Variants in DNER observed in about 807,000 individuals in gnomAD.
DNER encodes the protein delta and Notch-like epidermal growth factor-related receptor.
A neutral mutation model predicts 78.2 loss-of-function variants in DNER; 33 were observed. The ratio of observed to expected loss-of-function variants is 0.42; its 90% CI spans 0.32 to 0.56. The LOEUF is 0.56. Among genes scored for constraint, DNER ranks in the 20% least tolerant of loss-of-function variants. DNER has a pLI of 0.11. For synonymous variants in DNER, 417 were observed against 384.8 expected, an observed-to-expected ratio of 1.08 and a Z score of -0.98; for missense variants, 918 against 975.3, an observed-to-expected ratio of 0.94 and a Z score of 0.78.
At chr2:229,443,386 C>T (rs1228919511) in intron 8 of DNER, among the ~76,000 whole-genome samples, 1 of 152,176 alleles carries the variant, frequency 6.6e-6, no homozygotes, top group Non-Finnish European at 1.5e-5. Flanking sequence ...GCGAGTTCCA[C>T]CTCATCCTGT....
chr2:229,437,686 T>C (rs1433284019), intron 8 of DNER, among the ~76,000 whole-genome samples: 2 of 152,146 alleles, frequency 1.3e-5, no homozygotes, highest in African/African-American at 4.8e-5. Flanking sequence ...GCCAGTCTTG[T>C]GGGAAGGCGT....
intron 8 of DNER, among the ~76,000 whole-genome samples, chr2:229,422,037 C>A (rs1235725738): frequency 6.6e-6 from 1 of 152,000 alleles, no homozygotes; most frequent in Non-Finnish European, 1.5e-5. Flanking sequence ...GATAATTAAG[C>A]TGGTGATGTT....
chr2:229,423,610 A>T (rs533505785), intron 8 of DNER, among the ~76,000 whole-genome samples: 1 of 141,828 alleles, frequency 7.1e-6, no homozygotes, highest in African/African-American at 3.0e-5. Context: ...GCGAGACTAC[A>T]TCTCAAAAAA....
intron 6 of DNER, among the ~76,000 whole-genome samples, chr2:229,481,467 G>C (rs1417620795): frequency 6.6e-6 from 1 of 152,244 alleles, no homozygotes; most frequent in Middle Eastern, 3.4e-3. Context: ...TAGACCCTCA[G>C]AGAGCAGAGG....
intron 8 of DNER, among the ~76,000 whole-genome samples, chr2:229,424,492 CT>C: frequency 6.6e-6 from 1 of 152,134 alleles, no homozygotes; most frequent in East Asian, 1.9e-4. Context: ...GTTTTGGAGG[CT>C]AGAAGTCCAT....
In DNER at chr2:229,418,373, G is replaced by A. The variant is rs565405542; in HGVS notation, c.1487-143C>T. ...GGATTTCAGGAGCTAGATCTCTTGG[G>A]GTAAAGTTGAAAGGTGGATTTGGGG... On this transcript the variant is annotated intron_variant, in intron 8 of 12. Transcript: ENST00000341772. The A allele has an allele frequency of 8.9e-4, 1,054 of 1,185,872 alleles. 10 individuals are homozygous for A. In the Middle Eastern group the frequency reaches 0.012, roughly 13 times the overall value. The allele number at this position is 1,185,872 out of a possible 1,614,324, so 73.5% of individuals were successfully genotyped here.
chr2:229,372,667 T>C (rs1692512100), intron 11 of DNER, among the ~76,000 whole-genome samples: 1 of 152,210 alleles, frequency 6.6e-6, no homozygotes, highest in Admixed American at 6.5e-5. Flanking sequence ...TGTTCCAATT[T>C]GCACTTTGAA....
At chr2:229,393,440 T>A (rs142231286) in intron 10 of DNER, among the ~76,000 whole-genome samples, 6,039 of 147,918 alleles carry the variant, frequency 0.041, 375 homozygotes, top group African/African-American at 0.14. Flanking sequence ...AAAATAAAAA[T>A]AAAAATAAAA....
intron 1 of DNER, among the ~76,000 whole-genome samples, chr2:229,597,759 G>T (rs571577580): frequency 6.6e-6 from 1 of 152,310 alleles, no homozygotes; most frequent in African/African-American, 2.4e-5. Context: ...TGTGCTTGCT[G>T]CATCAGATCA....
chr2:229,550,211 T>C (rs1351916121), intron 4 of DNER, among the ~76,000 whole-genome samples: 1 of 151,872 alleles, frequency 6.6e-6, no homozygotes, highest in Non-Finnish European at 1.5e-5. Flanking sequence ...CAGGCTGTTC[T>C]CGAACTCCTG....
chr2:229,425,892 ACTC>A (rs1466712519), intron 8 of DNER, among the ~76,000 whole-genome samples: 8 of 151,932 alleles, frequency 5.3e-5, no homozygotes, highest in African/African-American at 1.9e-4. Context: ...CATGCCACTC[ACTC>A]CCCTCGTACA....
intron 6 of DNER, among the ~76,000 whole-genome samples, chr2:229,486,233 C>T (rs1057374536): frequency 2.0e-5 from 3 of 152,022 alleles, no homozygotes; most frequent in Admixed American, 6.6e-5. Flanking sequence ...TAGTAAGATT[C>T]GCTGGCAGGA....
rs1412358541 is a variant in DNER at position 229,594,314 on chromosome 2, C to T, written c.277-2426G>A. 5.9e-5 allele frequency among the ~76,000 whole-genome samples: 9 copies of T among 152,314 alleles called. No homozygotes were observed. In the East Asian group the frequency reaches 1.2e-3, roughly 20 times the overall value. ...AGAAAAAGAAGAGCAGAGGGCCGGG[C>T]GCGGTGGCTCACGCCTGTAACCCCA... On this transcript the variant is annotated intron_variant, in intron 1 of 12. Coordinates refer to ENST00000341772, the MANE Select transcript of DNER (RefSeq NM_139072.4).
Position 229,489,171 on chromosome 2 carries a change from G to A in DNER, c.1148-11918C>T, listed in dbSNP as rs537472727. ...GCCCTGGCTTCGTAAGTATCACATC[G>A]GCAGCTGTGAGTAAGGCAGCATGGC... On this transcript the variant is annotated intron_variant, in intron 6 of 12. Coordinates refer to ENST00000341772, the MANE Select transcript of DNER (RefSeq NM_139072.4). 6.6e-5 allele frequency among the ~76,000 whole-genome samples: 10 copies of A among 152,338 alleles called. No individual in the cohort carries two copies. The South Asian group carries it at 1.0e-3, about 16-fold the overall frequency.
chr2:229,452,363 C>A (rs185648944), intron 7 of DNER, among the ~76,000 whole-genome samples: 1 of 152,234 alleles, frequency 6.6e-6, no homozygotes, highest in Admixed American at 6.5e-5. Flanking sequence ...CCCAGAGACA[C>A]AATGTAACAT....
intron 1 of DNER, among the ~76,000 whole-genome samples, chr2:229,679,378 A>G (rs1055514138): frequency 2.0e-5 from 3 of 152,202 alleles, no homozygotes; most frequent in Non-Finnish European, 4.4e-5. Flanking sequence ...CATTTTTTAA[A>G]CATTTATTTA....
chr2:229,476,535 C>T (rs1200063582), intron 7 of DNER, among the ~76,000 whole-genome samples: 1 of 152,088 alleles, frequency 6.6e-6, no homozygotes, highest in Non-Finnish European at 1.5e-5. Flanking sequence ...TCATGTTATT[C>T]TTACAAAATT....
At chr2:229,569,332 G>T (rs1697174244) in intron 4 of DNER, among the ~76,000 whole-genome samples, 1 of 152,068 alleles carries the variant, frequency 6.6e-6, no homozygotes, top group Non-Finnish European at 1.5e-5. Flanking sequence ...GACTATCCCG[G>T]CCAACATGGT....
At chr2:229,423,342 C>T (rs1417234321) in intron 8 of DNER, among the ~76,000 whole-genome samples, 1 of 152,112 alleles carries the variant, frequency 6.6e-6, no homozygotes, top group Non-Finnish European at 1.5e-5. Context: ...AAGCCGGGCA[C>T]AGTGGCTCAC....
Sources: gnomAD v4.1 joint callset for allele counts (sites outside exome capture counted in the v4.1 genomes callset) on GRCh38, gnomAD v4.1.1 for gene constraint, MANE v1.5 for transcripts, NCBI Gene and HGNC (gene_info 2026-07-23, HGNC 2026-07-21) for gene names.